Variants in WDR59 observed in about 807,000 individuals in gnomAD.
The protein encoded by WDR59 is GATOR2 complex protein WDR59.
Under a neutral mutation model 131.2 loss-of-function variants are expected in WDR59, and 100 were observed. The observed-to-expected ratio is 0.76, with a 90% confidence interval of 0.65 to 0.90. WDR59 has a LOEUF of 0.90. WDR59 is among the 40% of genes least tolerant of loss of function. The pLI, the probability that WDR59 is intolerant of heterozygous loss-of-function variation, is 0.00. For synonymous variants in WDR59, 601 were observed against 466.2 expected (o/e 1.29, Z -3.72); for missense variants, 1,203 against 1,262.2 (o/e 0.95, Z 0.71).
intron 7 of WDR59, among the ~76,000 whole-genome samples, chr16:74,941,911 G>A (rs2032261363): frequency 6.6e-6 from 1 of 152,170 alleles, no homozygotes; most frequent in Admixed American, 6.5e-5. Flanking sequence ...AGATAAGACA[G>A]TGGGGACATC....
intron 2 of WDR59, among the ~76,000 whole-genome samples, chr16:74,963,583 T>G (rs1293411536): frequency 6.8e-6 from 1 of 147,814 alleles, no homozygotes; most frequent in Non-Finnish European, 1.5e-5. Flanking sequence ...ACACTGGGAC[T>G]TGTTGGGGGG....
chr16:74,956,730 A>C (rs1567431104), intron 2 of WDR59, 120 bp from the exon 3 acceptor site: 2 of 1,233,902 alleles, frequency 1.6e-6, no homozygotes, highest in Non-Finnish European at 1.1e-6. Flanking sequence ...ACCCAAACAC[A>C]CATGGCATTT....
chr16:74,896,939 C>T (rs752370384), intron 18 of WDR59, among the ~76,000 whole-genome samples: 2 of 152,164 alleles, frequency 1.3e-5, no homozygotes, highest in African/African-American at 2.4e-5. Context: ...CAGCCATCAG[C>T]GCTGAGATTT....
chr16:74,977,705 A>C (rs1450758548), intron 1 of WDR59, among the ~76,000 whole-genome samples: 1 of 152,208 alleles, frequency 6.6e-6, no homozygotes, highest in Non-Finnish European at 1.5e-5. Context: ...AAAAATAAAT[A>C]AATCAATAAA....
At position 74,873,483 on chromosome 16, in the gene WDR59, C is replaced by G. The variant is rs1350274172; in HGVS notation, c.*726G>C. 1 of 152,114 alleles carries G rather than the reference C, an allele frequency of 6.6e-6. No homozygotes were observed. Among genetic ancestry groups the G allele is most frequent in the African/African-American group, 2.4e-5 (1 of 41,424 alleles). The allele number at this position is 152,114 out of a possible 1,614,324, so 9.4% of individuals were successfully genotyped here. A position where few individuals can be genotyped will look rare whatever the true frequency, so the allele number is the denominator to read the frequency against. ...AGATGACAAAAGTAAATCAGCATTT[C>G]CTTTAAAAATCGGAGCACTGACTTT... is the stretch of plus-strand genomic sequence containing the variant. On this transcript the variant is annotated 3_prime_UTR_variant, in exon 26 of 26. Coordinates refer to ENST00000262144, the MANE Select transcript of WDR59 (RefSeq NM_030581.4).
Position 74,885,727 on chromosome 16 carries a change from C to A in WDR59, c.2615G>T (p.Arg872Leu), listed in dbSNP as rs183855703. The A allele has an allele frequency of 6.8e-6, 11 of 1,614,150 alleles. No individual in the cohort carries two copies. The highest frequency in any genetic ancestry group is 3.3e-5 in the South Asian group (3 of 91,078). The change falls in exon 25 of 26, where the codon CGT becomes CTT. Residue 872 changes from arginine (R) to leucine (L), a missense_variant. By Grantham distance (102) the Arg-to-Leu change is moderately radical. Coordinates refer to ENST00000262144, the MANE Select transcript of WDR59 (RefSeq NM_030581.4). ...FKKCYGEILY[R>L]WGLREKRAEV... ...AGCTCGCTTCTCTCTCAGACCCCAA[C>A]GGTAGAGGATTTCCCCATAGCATTT...
chr16:74,892,228 G>C (rs565133326), intron 20 of WDR59, among the ~76,000 whole-genome samples: 1 of 152,250 alleles, frequency 6.6e-6, no homozygotes, highest in Admixed American at 6.5e-5. Context: ...AGCAATCACT[G>C]ATACTGGAAC....
intron 8 of WDR59, among the ~76,000 whole-genome samples, chr16:74,935,989 T>C: frequency 1.4e-5 from 2 of 147,102 alleles, no homozygotes; most frequent in South Asian, 2.1e-4. Context: ...AGAGCAAGAC[T>C]CCACCTCAAA....
chr16:74,899,659 A>G, intron 18 of WDR59: 2 of 1,283,838 alleles, frequency 1.6e-6, no homozygotes, highest in Non-Finnish European at 2.0e-6. Context: ...GGGTAGAGAC[A>G]GGATTAGTTA....
Position 74,873,222 on chromosome 16 carries a change from T to G in WDR59, c.*987A>C, listed in dbSNP as rs1458488095. The G allele has an allele frequency of 6.6e-6, 1 of 152,166 alleles. No individual in the cohort carries two copies. Among genetic ancestry groups the G allele is most frequent in the Non-Finnish European group, 1.5e-5 (1 of 68,072 alleles). 9.4% of individuals were successfully genotyped at this position (152,166 alleles called of 1,614,324 possible). A position where few individuals can be genotyped will look rare whatever the true frequency, so the allele number is the denominator to read the frequency against. Reference sequence around the variant, plus strand: ...ACCGTGCCCGGCCTATTTTTTAAATTTTTTGCAGAGATGGGATCTCCTTAT... The same window carrying G: ...ACCGTGCCCGGCCTATTTTTTAAATGTTTTGCAGAGATGGGATCTCCTTAT... On this transcript the variant is annotated 3_prime_UTR_variant, in exon 26 of 26. Coordinates refer to ENST00000262144, the MANE Select transcript of WDR59 (RefSeq NM_030581.4).
At chr16:74,970,073 G>A (rs1888358037) in intron 1 of WDR59, among the ~76,000 whole-genome samples, 1 of 152,122 alleles carries the variant, frequency 6.6e-6, no homozygotes, top group Admixed American at 6.6e-5. Context: ...ACAGGCGCAT[G>A]CCACCACACC....
intron 6 of WDR59, among the ~76,000 whole-genome samples, chr16:74,947,690 T>C (rs1371563783): frequency 2.0e-5 from 3 of 152,254 alleles, no homozygotes; most frequent in East Asian, 1.9e-4. Flanking sequence ...TTTTTAGGTA[T>C]TTTTAAGTAT....
At position 74,949,945 on chromosome 16, in the gene WDR59, T is replaced by C. The variant is rs529100136; in HGVS notation, c.327-147A>G. On this transcript the variant is annotated intron_variant, in intron 4 of 25. Transcript: ENST00000262144. ...TGGTTTAGGCTGAGAATCTCCAAAG[T>C]TCCTTGGGAACGAACATGAGTTTGG... 117 of 755,412 alleles carry C rather than the reference T, an allele frequency of 1.5e-4. No homozygotes were observed. The African/African-American group carries it at 1.9e-3, about 12-fold the overall frequency. The allele number at this position is 755,412 out of a possible 1,614,324, so 46.8% of individuals were successfully genotyped here. A position where few individuals can be genotyped will look rare whatever the true frequency, so the allele number is the denominator to read the frequency against.
In WDR59 at chr16:74,903,965, G is replaced by A; in HGVS notation, c.1848C>T (p.Ser616=). The change falls in exon 18 of 26, where the codon TCC becomes TCT. Residue 616 remains serine, a synonymous_variant. Coordinates refer to ENST00000262144, the MANE Select transcript of WDR59 (RefSeq NM_030581.4). ...RSEKEQVSIS[S]FYYKERKSRR... The stretch of plus-strand genomic sequence containing the variant: ...CACTTACCCGCTCCTTGTAGTAGAA[G>A]GAGCTGATGGAGACCTGCTCTTTCT... The A allele has an allele frequency of 1.2e-6, 2 of 1,608,960 alleles. No homozygotes were observed. Among genetic ancestry groups the A allele is most frequent in the Non-Finnish European group, 1.7e-6 (2 of 1,178,318 alleles).
intron 15 of WDR59, 53 bp from the exon 16 acceptor site, chr16:74,909,710 C>T (rs2144925430): frequency 6.4e-7 from 1 of 1,552,548 alleles, no homozygotes; most frequent in Non-Finnish European, 8.7e-7. Context: ...TAAAGCTGAA[C>T]TACAAAATAA....
intron 14 of WDR59, 112 bp downstream of exon 14, chr16:74,912,086 A>G (rs945602001): frequency 1.5e-5 from 21 of 1,443,900 alleles, no homozygotes; most frequent in Non-Finnish European, 1.9e-5. Flanking sequence ...TAGTGTGTGT[A>G]CGAAACAGAT....
intron 7 of WDR59, 37 bp from the exon 8 acceptor site, chr16:74,938,303 A>C (rs2031960947): frequency 2.2e-6 from 3 of 1,386,936 alleles, no homozygotes; most frequent in Admixed American, 5.3e-5. Flanking sequence ...TCGATTTAGA[A>C]AGAACTCTTT....
chr16:74,965,079 A>C (rs886323183), intron 2 of WDR59, among the ~76,000 whole-genome samples: 2 of 151,012 alleles, frequency 1.3e-5, no homozygotes, highest in African/African-American at 4.9e-5. Flanking sequence ...AAAAAAAAAA[A>C]TTTTTTTTTG....
chr16:74,888,142 GAC>G, intron 22 of WDR59, 25 bp downstream of exon 22: 1 of 1,491,866 alleles, frequency 6.7e-7, no homozygotes, highest in African/African-American at 1.5e-5. Context: ...AAAAAAATCA[GAC>G]AAAACCAGAA....
Sources: gnomAD v4.1 joint callset for allele counts (sites outside exome capture counted in the v4.1 genomes callset) on GRCh38, gnomAD v4.1.1 for gene constraint, MANE v1.5 for transcripts, NCBI Gene and HGNC (gene_info 2026-07-23, HGNC 2026-07-21) for gene names.